The following SLC35F2 variants were observed in gnomAD, a reference collection of about 807,000 sequenced individuals.
The protein encoded by SLC35F2 is queuine/queuosine transporter SLC35F2.
In SLC35F2, 25 loss-of-function variants were observed where a neutral mutation model predicts 38.1. That is an observed-to-expected ratio of 0.66 (90% CI 0.48 to 0.92). The LOEUF (loss-of-function observed/expected upper bound fraction) is 0.92, where lower values mean the gene tolerates loss of function less well. Among genes scored for constraint, SLC35F2 ranks in the 40% least tolerant of loss-of-function variants. The pLI is 0.00. For synonymous variants in SLC35F2, 173 were observed against 181.7 expected (o/e 0.95, Z 0.38); for missense variants, 409 against 452.9 (o/e 0.90, Z 0.88).
chr11:107,809,441 A>T (rs1378661228), intron 3 of SLC35F2, among the ~76,000 whole-genome samples: 2 of 141,516 alleles, frequency 1.4e-5, no homozygotes, highest in African/African-American at 5.4e-5. Flanking sequence ...CAGCTCGGTG[A>T]CAGAATGAGA....
At chr11:107,838,861 T>C (rs975229846) in intron 1 of SLC35F2, among the ~76,000 whole-genome samples, 3 of 151,750 alleles carry the variant, frequency 2.0e-5, no homozygotes, top group Non-Finnish European at 4.4e-5. Context: ...ACTCCTGACC[T>C]CAGGTGATCT....
At chr11:107,817,424 C>A (rs1019130924) in intron 1 of SLC35F2, among the ~76,000 whole-genome samples, 2 of 152,108 alleles carry the variant, frequency 1.3e-5, no homozygotes, top group African/African-American at 4.8e-5. Context: ...GAGAAGATGG[C>A]GTTTCAAAGA....
intron 1 of SLC35F2, among the ~76,000 whole-genome samples, chr11:107,822,570 C>A (rs1211826807): frequency 1.3e-5 from 2 of 152,132 alleles, no homozygotes; most frequent in African/African-American, 4.8e-5. Flanking sequence ...AATACCACAA[C>A]CCTCCATCAC....
chr11:107,846,128 C>T (rs1860100985), intron 1 of SLC35F2, among the ~76,000 whole-genome samples: 1 of 151,532 alleles, frequency 6.6e-6, no homozygotes, highest in Admixed American at 6.6e-5. Flanking sequence ...TTCTAAGAAA[C>T]TGAGTTATCT....
At chr11:107,823,412 A>G (rs952192679) in intron 1 of SLC35F2, among the ~76,000 whole-genome samples, 16 of 152,200 alleles carry the variant, frequency 1.1e-4, no homozygotes, top group African/African-American at 3.6e-4. Flanking sequence ...TAAGACTCCT[A>G]TGGAACATAG....
At chr11:107,836,473 G>A (rs1859933489) in intron 1 of SLC35F2, among the ~76,000 whole-genome samples, 2 of 152,086 alleles carry the variant, frequency 1.3e-5, no homozygotes, top group Admixed American at 1.3e-4. Context: ...AAGGCAAAAG[G>A]GACTTCTGTA....
At chr11:107,793,471 G>C in intron 7 of SLC35F2, among the ~76,000 whole-genome samples, 1 of 152,132 alleles carries the variant, frequency 6.6e-6, no homozygotes, top group Non-Finnish European at 1.5e-5. Context: ...TCAGACCCTA[G>C]ACACTGCTTA....
At chr11:107,801,968 G>C (rs1205662371) in intron 7 of SLC35F2, among the ~76,000 whole-genome samples, 1 of 152,122 alleles carries the variant, frequency 6.6e-6, no homozygotes, top group Non-Finnish European at 1.5e-5. Flanking sequence ...GCCAGGCATG[G>C]TGGCTCACAC....
intron 3 of SLC35F2, 57 bp from the exon 4 acceptor site, chr11:107,806,933 G>C: frequency 6.6e-7 from 1 of 1,508,468 alleles, no homozygotes; most frequent in Non-Finnish European, 9.1e-7. Flanking sequence ...TAAAAGATGG[G>C]TAATTAAGAA....
chr11:107,827,816 G>A lies in SLC35F2; in HGVS notation c.111-11851C>T, dbSNP rs948643315. On this transcript the variant is annotated intron_variant, in intron 1 of 7. Coordinates refer to ENST00000525815, the MANE Select transcript of SLC35F2 (RefSeq NM_017515.5). Reference sequence around the variant, plus strand: ...ATCCCAACTATCCAGGAAGCTGAGGGAGGAGAATCACTTGAACCCAGGAAG... The same window carrying A: ...ATCCCAACTATCCAGGAAGCTGAGGAAGGAGAATCACTTGAACCCAGGAAG... Among the ~76,000 whole-genome samples the A allele has an allele frequency of 2.0e-5, 3 of 151,232 alleles. No individual in the cohort carries two copies. In the South Asian group the frequency reaches 6.3e-4, roughly 32 times the overall value.
intron 1 of SLC35F2, among the ~76,000 whole-genome samples, chr11:107,856,921 G>A (rs1172707888): frequency 2.4e-5 from 2 of 81,744 alleles, no homozygotes; most frequent in Non-Finnish European, 5.0e-5. Context: ...GGGAGGGAGG[G>A]AGGGAAAAGA....
intron 7 of SLC35F2, among the ~76,000 whole-genome samples, chr11:107,796,829 C>T (rs1484334498): frequency 3.9e-5 from 6 of 152,046 alleles, no homozygotes; most frequent in Non-Finnish European, 8.8e-5. Flanking sequence ...CCAACATACC[C>T]GTATAATTTT....
intron 7 of SLC35F2, among the ~76,000 whole-genome samples, chr11:107,793,127 G>A (rs574411065): frequency 2.5e-4 from 38 of 152,294 alleles, no homozygotes; most frequent in Admixed American, 1.8e-3. Flanking sequence ...ATGTTGCCCA[G>A]GATGGTCTCG....
intron 1 of SLC35F2, among the ~76,000 whole-genome samples, chr11:107,832,505 T>C (rs1859860874): frequency 6.6e-6 from 1 of 152,180 alleles, no homozygotes; most frequent in African/African-American, 2.4e-5. Flanking sequence ...TTTCAAACAA[T>C]GAGAAATCTA....
chr11:107,826,998 G>A (rs1859762531), intron 1 of SLC35F2, among the ~76,000 whole-genome samples: 1 of 151,958 alleles, frequency 6.6e-6, no homozygotes, highest in Non-Finnish European at 1.5e-5. Flanking sequence ...CCTACAATAT[G>A]AATATTGTAT....
At chr11:107,852,577 A>G (rs1860204083) in intron 1 of SLC35F2, among the ~76,000 whole-genome samples, 1 of 150,986 alleles carries the variant, frequency 6.6e-6, no homozygotes, top group African/African-American at 2.4e-5. Flanking sequence ...TACAAAATAC[A>G]AAATTAAACT....
intron 3 of SLC35F2, chr11:107,810,535 A>T: frequency 1.0e-6 from 1 of 985,262 alleles, no homozygotes; most frequent in Non-Finnish European, 1.2e-6. Flanking sequence ...AAGTACACTT[A>T]CTCCTATTAG....
chr11:107,838,915 C>T (rs548948635), intron 1 of SLC35F2, among the ~76,000 whole-genome samples: 6 of 152,252 alleles, frequency 3.9e-5, no homozygotes, highest in African/African-American at 1.2e-4. Context: ...AGGCATGAGC[C>T]ACCACACCTG....
At position 107,813,666 on chromosome 11, in the gene SLC35F2, C is replaced by G. The variant is rs115105386; in HGVS notation, c.287-1872G>C. Among the ~76,000 whole-genome samples, 337 of 152,140 alleles carry G rather than the reference C, an allele frequency of 2.2e-3. 1 individual carries two copies. The highest frequency in any genetic ancestry group is 7.8e-3 in the African/African-American group (323 of 41,522). The stretch of plus-strand genomic sequence containing the variant: ...ACCATGTACAGTTCCACTCCCAACT[C>G]TTCTTTTTTTTCCTTTGGAGACAGG... On this transcript the variant is annotated intron_variant, in intron 2 of 7. Coordinates refer to ENST00000525815, the MANE Select transcript of SLC35F2 (RefSeq NM_017515.5).
Sources: gnomAD v4.1 joint callset for allele counts (sites outside exome capture counted in the v4.1 genomes callset) on GRCh38, gnomAD v4.1.1 for gene constraint, MANE v1.5 for transcripts, NCBI Gene and HGNC (gene_info 2026-07-23, HGNC 2026-07-21) for gene names.